Variants in PRRC2B observed in about 807,000 individuals in gnomAD.
PRRC2B encodes the protein proline rich coiled-coil 2B, also known as protein PRRC2B.
In PRRC2B, 68 loss-of-function variants were observed where a neutral mutation model predicts 242.3. The observed-to-expected ratio is 0.28, with a 90% CI of 0.23 to 0.34. The LOEUF (loss-of-function observed/expected upper bound fraction) is 0.34, where lower values mean the gene tolerates loss of function less well. Among genes scored for constraint, PRRC2B ranks in the 10% least tolerant of loss-of-function variants. The probability of loss-of-function intolerance (pLI) is 1.00; values close to 1 mark genes in which losing one functional copy is unlikely to be tolerated. For missense variants in PRRC2B, 2,835 were observed against 2,954.8 expected (o/e 0.96, Z 0.94); for synonymous variants, 1,228 against 1,173.6 (o/e 1.05, Z -0.95).
At chr9:131,438,346 T>A (rs2966345) in intron 4 of PRRC2B, among the ~76,000 whole-genome samples, 61 of 152,120 alleles carry the variant, frequency 4.0e-4, no homozygotes, top group African/African-American at 1.3e-3. Flanking sequence ...TGAGCCTCAG[T>A]GGGGGATGTG....
In PRRC2B at chr9:131,487,026, A is replaced by G; in HGVS notation, c.5857-141A>G. ...TAGGCTTTATCCCAATAGCAAGGGA[A>G]GCCCAGGAATGACATGCTGGCATTT... On this transcript the variant is annotated intron_variant, in intron 26 of 31. Transcript: ENST00000683519. This position sits in a 1 kb window ranked among gnomAD's most constrained non-coding sequence, Gnocchi z 5.3. 1.4e-6 allele frequency: 1 copy of G among 709,968 alleles called. No individual in the cohort carries two copies. Among genetic ancestry groups the G allele is most frequent in the East Asian group, 2.8e-5 (1 of 35,770 alleles). The allele number at this position is 709,968 out of a possible 1,614,324, so 44.0% of individuals were successfully genotyped here. A position where few individuals can be genotyped will look rare whatever the true frequency, so the allele number is the denominator to read the frequency against.
At position 131,492,191 on chromosome 9, in the gene PRRC2B, G is replaced by C; in HGVS notation, c.6404G>C (p.Gly2135Ala). The change falls in exon 30 of 32, where the codon GGC becomes GCC. Residue 2135 changes from glycine to alanine, a missense_variant. Physicochemically the swap from Gly to Ala is moderately conservative, Grantham distance 60. Coordinates refer to ENST00000683519, the MANE Select transcript of PRRC2B (RefSeq NM_013318.4). The part of the protein sequence containing the change: ...SREPSQMEMK[G>A]FHFADSKQNV... ...TAGCCCTCTCAGATGGAGATGAAAG[G>C]CTTCCACTTTGCCGACAGTAAACAG... is the stretch of plus-strand genomic sequence containing the variant. 4 of 1,613,838 alleles carry C rather than the reference G, an allele frequency of 2.5e-6. No homozygotes were observed. The highest frequency in any genetic ancestry group is 2.5e-6 in the Non-Finnish European group (3 of 1,179,824).
Position 131,481,721 on chromosome 9 carries a change from G to A in PRRC2B, c.4901-5G>A. The A allele has an allele frequency of 6.4e-7, 1 of 1,558,480 alleles. No homozygotes were observed. The highest frequency in any genetic ancestry group is 8.7e-7 in the Non-Finnish European group (1 of 1,151,468). ...TGCCCTGACTCTGTCTTCCTCCCCT[G>A]GCAGCTCTCCCTGTGCAGGCCCCAG... On this transcript the variant is annotated splice_polypyrimidine_tract_variant and splice_region_variant and intron_variant, in intron 19 of 31. Transcript: ENST00000683519.
intron 11 of PRRC2B, among the ~76,000 whole-genome samples, chr9:131,463,005 A>G (rs1943287782): frequency 6.6e-6 from 1 of 152,078 alleles, no homozygotes; most frequent in Admixed American, 6.6e-5. Flanking sequence ...ATCTGAAGGA[A>G]GTAATCAGGG....
chr9:131,487,806 C>A lies in PRRC2B; in HGVS notation c.5985-50C>A. ...GATCTCTGAAGGGTGGGACCAGATCCGCAGCTGGACTCATCCACCTGATCC... is the reference window on the plus strand; with the variant it reads ...GATCTCTGAAGGGTGGGACCAGATCAGCAGCTGGACTCATCCACCTGATCC... On this transcript the variant is annotated intron_variant, in intron 27 of 31. Transcript: ENST00000683519. This position sits in a 1 kb window ranked among gnomAD's most constrained non-coding sequence, Gnocchi z 5.3. 1 of 1,569,602 alleles carries A rather than the reference C, an allele frequency of 6.4e-7. No homozygotes were observed. The highest frequency in any genetic ancestry group is 8.7e-7 in the Non-Finnish European group (1 of 1,151,402).
chr9:131,400,973 T>TG (rs1046288246), intron 1 of PRRC2B, among the ~76,000 whole-genome samples: 34 of 151,392 alleles, frequency 2.2e-4, no homozygotes, highest in Admixed American at 3.9e-4. Flanking sequence ...CTTTTTTTTT[T>TG]TTTTTGAGAC....
chr9:131,408,541 A>G (rs954535580), intron 1 of PRRC2B, among the ~76,000 whole-genome samples: 1 of 152,214 alleles, frequency 6.6e-6, no homozygotes, highest in Non-Finnish European at 1.5e-5. Flanking sequence ...GTATATTTTT[A>G]GAAAGATGAC....
At chr9:131,431,698 C>T (rs1035293262) in intron 2 of PRRC2B, among the ~76,000 whole-genome samples, 13 of 151,410 alleles carry the variant, frequency 8.6e-5, no homozygotes, top group Non-Finnish European at 1.3e-4. Context: ...GCCATTCTTC[C>T]GCCTCAGCCT....
chr9:131,438,349 G>GGGATGTGACT (rs1838442604), intron 4 of PRRC2B, among the ~76,000 whole-genome samples: 1 of 152,096 alleles, frequency 6.6e-6, no homozygotes, highest in African/African-American at 2.4e-5. Flanking sequence ...GCCTCAGTGG[G>GGGATGTGACT]GGATGTGACT....
At chr9:131,410,516 A>G (rs749092758) in intron 1 of PRRC2B, among the ~76,000 whole-genome samples, 2 of 152,130 alleles carry the variant, frequency 1.3e-5, no homozygotes, top group South Asian at 2.1e-4. Flanking sequence ...TCCAGTGCCC[A>G]ACACTGCCCA....
At chr9:131,393,966 A>C (rs1352026070), upstream of PRRC2B, 2 of 147,820 alleles carry the variant, frequency 1.4e-5, no homozygotes, top group African/African-American at 5.0e-5. Context: ...CGCTCCCGGG[A>C]GGCGCGGCAG....
Position 131,485,144 on chromosome 9 carries a change from T to C in PRRC2B, c.5758+4T>C, listed in dbSNP as rs745441500. The C allele has an allele frequency of 6.4e-7, 1 of 1,572,298 alleles. No homozygotes were observed. The highest frequency in any genetic ancestry group is 1.4e-5 in the African/African-American group (1 of 73,964). On this transcript the variant is annotated splice_donor_region_variant and intron_variant, in intron 25 of 31. Coordinates refer to ENST00000683519, the MANE Select transcript of PRRC2B (RefSeq NM_013318.4). ...GCACCTTCTGCTTCTATGCCAGGTA[T>C]CTCATCCCCTGAGCAAGGCCTTGGG...
At chr9:131,423,316 G>A (rs1459545079) in intron 1 of PRRC2B, among the ~76,000 whole-genome samples, 1 of 152,224 alleles carries the variant, frequency 6.6e-6, no homozygotes, top group Non-Finnish European at 1.5e-5. Flanking sequence ...CCGGCTTCCT[G>A]CTTCACACTT....
At chr9:131,495,181 C>T (rs1448241559) in intron 31 of PRRC2B, among the ~76,000 whole-genome samples, 2 of 152,098 alleles carry the variant, frequency 1.3e-5, no homozygotes, top group African/African-American at 2.4e-5. Flanking sequence ...CTTCCCCACC[C>T]CACTCCCCGT....
chr9:131,478,453 T>C (rs758519986), intron 17 of PRRC2B, 21 bp from the exon 18 acceptor site: 3 of 1,611,480 alleles, frequency 1.9e-6, no homozygotes, highest in Admixed American at 3.3e-5. Context: ...GACTGTTCCT[T>C]CTCGTGAAAT....
chr9:131,401,563 C>G (rs1352736971), intron 1 of PRRC2B, among the ~76,000 whole-genome samples: 1 of 151,938 alleles, frequency 6.6e-6, no homozygotes, highest in African/African-American at 2.4e-5. Context: ...GTTGGCTAGT[C>G]TGGTGTCGAA....
chr9:131,475,603 A>G lies in PRRC2B; in HGVS notation c.3474A>G (p.Glu1158=). Residue 1158 remains glutamate (E), a synonymous_variant, in exon 16 of 32, where the codon GAA becomes GAG. Coordinates refer to ENST00000683519, the MANE Select transcript of PRRC2B (RefSeq NM_013318.4). The stretch of plus-strand genomic sequence containing the variant: ...AGAGGGGCTCCGAGAACGGGAATGA[A>G]GGCTCGCTCCTGGAGAGGGAGGAGA... ...RRQRGSENGN[E]GSLLEREEST... The G allele has an allele frequency of 1.9e-6, 3 of 1,612,738 alleles. No individual in the cohort carries two copies. Among genetic ancestry groups the G allele is most frequent in the Non-Finnish European group, 1.7e-6 (2 of 1,179,746 alleles).
rs1214193212 is a variant in PRRC2B, at chr9:131,474,815, G to A, written c.2686G>A (p.Ala896Thr). Residue 896 changes from alanine (A) to threonine (T), a missense_variant, in exon 16 of 32, where the codon GCC becomes ACC. This residue lies in a region of PRRC2B where 1,536 missense variants were observed against 1,483.1 expected (regional missense o/e 1.04). Coordinates refer to ENST00000683519, the MANE Select transcript of PRRC2B (RefSeq NM_013318.4). ...GCGGGAGACACCCCGGGAGGGGACGGCCTTTAACATCTCCTCCTGGGACAA... is the reference window on the plus strand; with the variant it reads ...GCGGGAGACACCCCGGGAGGGGACGACCTTTAACATCTCCTCCTGGGACAA... ...VERETPREGT[A>T]FNISSWDKNG... 10 of 1,612,108 alleles carry A rather than the reference G, an allele frequency of 6.2e-6. No homozygotes were observed. Among genetic ancestry groups the A allele is most frequent in the Admixed American group, 3.3e-5 (2 of 59,872 alleles).
chr9:131,388,203 CATT>C lies in PRRC2B; in HGVS notation c.-56+14477_-56+14479del, dbSNP rs1354957652. 9.1e-5 allele frequency among the ~76,000 whole-genome samples: 13 copies of C among 142,160 alleles called. 1 individual carries two copies. The highest frequency in any genetic ancestry group is 2.8e-4 in the African/African-American group (11 of 38,886). 93.3% of individuals were successfully genotyped at this position (142,160 alleles called of 152,430 possible). ...ACGCTGTCTAAAAAAAAAAAAAAAT[CATT>C]ATTAAAATTAATTTCATCAACTTTT... On this transcript the variant is annotated intron_variant, in intron 1 of 1. Coordinates refer to the PRRC2B transcript ENST00000682525.
Sources: allele counts gnomAD v4.1 joint callset (sites outside exome capture counted in the v4.1 genomes callset), GRCh38; gene constraint gnomAD v4.1.1; regional missense constraint gnomAD v4.1.1; non-coding constraint Gnocchi (gnomAD v3.1); transcripts MANE v1.5; gene names NCBI Gene and HGNC (gene_info 2026-07-23, HGNC 2026-07-21).